The following NKAIN2 variants were observed in gnomAD, a reference collection of about 807,000 sequenced individuals.
NKAIN2 encodes the protein sodium/potassium transporting ATPase interacting 2.
Under a neutral mutation model 32.6 loss-of-function variants are expected in NKAIN2, and 14 were observed. That is an observed-to-expected ratio of 0.43 (90% CI 0.28 to 0.67). The LOEUF is 0.67. Among genes scored for constraint, NKAIN2 ranks in the 30% least tolerant of loss-of-function variants. The probability of loss-of-function intolerance (pLI) is 0.17; values close to 1 mark genes in which losing one functional copy is unlikely to be tolerated. For synonymous variants in NKAIN2, 80 were observed against 87.2 expected (o/e 0.92, Z 0.46); for missense variants, 198 against 258.3 (o/e 0.77, Z 1.60).
intron 3 of NKAIN2, among the ~76,000 whole-genome samples, chr6:124,590,720 A>C (rs1378374779): frequency 6.6e-6 from 1 of 152,238 alleles, no homozygotes; most frequent in Non-Finnish European, 1.5e-5. Flanking sequence ...AGTTCTTCAT[A>C]ACAGGAACTC....
chr6:124,569,161 T>A (rs886892904), intron 3 of NKAIN2, among the ~76,000 whole-genome samples: 3 of 152,180 alleles, frequency 2.0e-5, no homozygotes, highest in African/African-American at 4.8e-5. Context: ...CACAAGTAAT[T>A]CACACTAACA....
intron 1 of NKAIN2, among the ~76,000 whole-genome samples, chr6:123,906,733 T>C (rs1774893203): frequency 6.6e-6 from 1 of 152,236 alleles, no homozygotes; most frequent in Non-Finnish European, 1.5e-5. Context: ...TAAAATTTCA[T>C]ATATGCCATT....
At chr6:123,942,324 A>T (rs183825433) in intron 1 of NKAIN2, among the ~76,000 whole-genome samples, 2 of 152,152 alleles carry the variant, frequency 1.3e-5, no homozygotes, top group Admixed American at 6.6e-5. Context: ...ATAATTAAAT[A>T]AAAGAGTTAA....
chr6:123,851,859 A>G (rs1351159527), intron 1 of NKAIN2, among the ~76,000 whole-genome samples: 1 of 152,190 alleles, frequency 6.6e-6, no homozygotes, highest in African/African-American at 2.4e-5. Flanking sequence ...ATGGCTTGCC[A>G]ATATTTTATC....
intron 1 of NKAIN2, among the ~76,000 whole-genome samples, chr6:123,942,446 G>C (rs1023207073): frequency 6.6e-6 from 1 of 151,950 alleles, no homozygotes; most frequent in Non-Finnish European, 1.5e-5. Context: ...GTAAAGTTCT[G>C]CATTACACTA....
At chr6:124,327,953 A>C (rs1322786339) in intron 2 of NKAIN2, among the ~76,000 whole-genome samples, 1 of 152,214 alleles carries the variant, frequency 6.6e-6, no homozygotes, top group African/African-American at 2.4e-5. Flanking sequence ...GTCACATTCA[A>C]ATTTCAAGTA....
intron 3 of NKAIN2, among the ~76,000 whole-genome samples, chr6:124,472,862 T>TAAAA (rs1188980788): frequency 1.3e-5 from 2 of 152,098 alleles, no homozygotes; most frequent in East Asian, 3.9e-4. Flanking sequence ...GTTTATTTTT[T>TAAAA]ATGTAAAGAA....
At chr6:124,171,035 T>G (rs1788822060) in intron 1 of NKAIN2, among the ~76,000 whole-genome samples, 1 of 150,984 alleles carries the variant, frequency 6.6e-6, no homozygotes, top group African/African-American at 2.4e-5. Flanking sequence ...ATTGTGAAGG[T>G]TTTTTTTTAG....
Position 124,118,408 on chromosome 6 carries a change from A to T in NKAIN2, c.55-164597A>T, listed in dbSNP as rs555280470. ...ATATTGCAAGTATTGTCTTTAAATA[A>T]TTTTTTCACTTCTAAATGAAGAGAA... On this transcript the variant is annotated intron_variant, in intron 1 of 6. Coordinates refer to ENST00000368417, the MANE Select transcript of NKAIN2 (RefSeq NM_001040214.3). Among the ~76,000 whole-genome samples, 9 of 152,288 alleles carry T rather than the reference A, an allele frequency of 5.9e-5. No individual in the cohort carries two copies. The East Asian group carries it at 1.4e-3, about 23-fold the overall frequency.
At chr6:123,930,388 CA>C (rs1776199914) in intron 1 of NKAIN2, among the ~76,000 whole-genome samples, 2 of 152,160 alleles carry the variant, frequency 1.3e-5, no homozygotes, top group South Asian at 4.1e-4. Context: ...ATAGAACTAA[CA>C]GTAGCATTGG....
At chr6:124,292,302 C>A (rs1325696198) in intron 2 of NKAIN2, among the ~76,000 whole-genome samples, 1 of 152,082 alleles carries the variant, frequency 6.6e-6, no homozygotes, top group Non-Finnish European at 1.5e-5. Flanking sequence ...ATATTATAGA[C>A]TGGCAATTGC....
chr6:123,946,218 T>G (rs1343301031), intron 1 of NKAIN2, among the ~76,000 whole-genome samples: 1 of 152,126 alleles, frequency 6.6e-6, no homozygotes, highest in African/African-American at 2.4e-5. Flanking sequence ...AGCCTTACAT[T>G]TAAGTAAATG....
chr6:124,658,412 T>C (rs1784621234), intron 4 of NKAIN2, 26 bp downstream of exon 4: 1 of 1,614,106 alleles, frequency 6.2e-7, no homozygotes, highest in Non-Finnish European at 8.5e-7. Flanking sequence ...CAACCGCTCC[T>C]TCTAGTGCCT....
At chr6:123,944,739 A>T (rs1157199789) in intron 1 of NKAIN2, among the ~76,000 whole-genome samples, 1 of 151,980 alleles carries the variant, frequency 6.6e-6, no homozygotes, top group African/African-American at 2.4e-5. Context: ...AAGAAAAAGG[A>T]TGCAGCAATG....
chr6:124,554,227 A>G (rs1780393114), intron 3 of NKAIN2, among the ~76,000 whole-genome samples: 1 of 152,196 alleles, frequency 6.6e-6, no homozygotes, highest in Non-Finnish European at 1.5e-5. Flanking sequence ...ACAGCTAACT[A>G]TTCTTGGCAG....
At chr6:124,796,958 GA>G (rs1780025703) in intron 5 of NKAIN2, among the ~76,000 whole-genome samples, 3 of 152,008 alleles carry the variant, frequency 2.0e-5, no homozygotes, top group Admixed American at 6.5e-5. Flanking sequence ...TGTAAAGAAA[GA>G]AAATGTTTGG....
intron 2 of NKAIN2, among the ~76,000 whole-genome samples, chr6:124,307,595 A>G (rs184090189): frequency 6.6e-6 from 1 of 152,284 alleles, no homozygotes; most frequent in East Asian, 1.9e-4. Flanking sequence ...TCACTGATGG[A>G]AGTGGAAAGC....
Position 123,804,242 on chromosome 6 carries a change from T to C in NKAIN2, c.42T>C (p.Cys14=). Residue 14 remains cysteine (C), a synonymous_variant, in exon 1 of 7, where the codon TGT becomes TGC. Coordinates refer to ENST00000368417, the MANE Select transcript of NKAIN2 (RefSeq NM_001040214.3). ...GCAGGTGCACGCTTATCTTTATCTG[T>C]GGCATGCAACTGGTAAGTGACACTT... The part of the protein sequence containing the change: ...CSGRCTLIFI[C]GMQLVCVLER... The C allele has an allele frequency of 6.2e-7, 1 of 1,613,786 alleles. No homozygotes were observed. The highest frequency in any genetic ancestry group is 1.1e-5 in the South Asian group (1 of 91,078).
intron 4 of NKAIN2, among the ~76,000 whole-genome samples, chr6:124,755,756 T>G (rs1244123676): frequency 6.6e-6 from 1 of 152,046 alleles, no homozygotes; most frequent in Non-Finnish European, 1.5e-5. Flanking sequence ...AAATAACTAA[T>G]GGGCACTAGG....
Sources: allele counts gnomAD v4.1 joint callset (sites outside exome capture counted in the v4.1 genomes callset), GRCh38; gene constraint gnomAD v4.1.1; transcripts MANE v1.5; gene names NCBI Gene and HGNC (gene_info 2026-07-23, HGNC 2026-07-21).